The following SPMIP4 variants were observed in gnomAD, a reference collection of about 807,000 sequenced individuals.
The protein encoded by SPMIP4 is sperm-associated microtubule inner protein 4.
the SPMIP4 span, chr7:25,158,654 C>T: frequency 8.4e-6 from 6 of 713,830 alleles, no homozygotes; most frequent in African/African-American, 5.5e-5. Flanking sequence ...AATCCCAGCA[C>T]TTTGGGAGGC....
chr7:25,178,037 C>A, the SPMIP4 span, among the ~76,000 whole-genome samples: 1 of 152,202 alleles, frequency 6.6e-6, no homozygotes, highest in African/African-American at 2.4e-5. Context: ...TTAGCTCCCA[C>A]TTATAAGTCA....
the SPMIP4 span, among the ~76,000 whole-genome samples, chr7:25,132,861 T>C: frequency 0.065 from 9,866 of 152,300 alleles, 361 homozygotes; most frequent in Middle Eastern, 0.12. This position sits in a 1 kb window ranked among gnomAD's most constrained non-coding sequence, Gnocchi z 5.0. Flanking sequence ...TTGAGCATTA[T>C]TGACCACTGA....
the SPMIP4 span, among the ~76,000 whole-genome samples, chr7:25,166,812 T>C: frequency 2.0e-5 from 3 of 150,830 alleles, no homozygotes; most frequent in African/African-American, 4.9e-5. Context: ...GGAGAATTGC[T>C]TGAACTCAGG....
chr7:25,142,820 A>T, the SPMIP4 span: 1 of 1,503,102 alleles, frequency 6.7e-7, no homozygotes, highest in Non-Finnish European at 8.8e-7. Context: ...GGAAACTAAA[A>T]TATGAACATA....
chr7:25,153,563 C>CAA, the SPMIP4 span, among the ~76,000 whole-genome samples: 20,910 of 140,700 alleles, frequency 0.15, 2,147 homozygotes, highest in African/African-American at 0.29. Context: ...GACTCCGTCT[C>CAA]AAAAAAAAAA....
the SPMIP4 span, among the ~76,000 whole-genome samples, chr7:25,146,741 C>T: frequency 1.3e-5 from 2 of 152,174 alleles, no homozygotes; most frequent in Admixed American, 6.5e-5. Context: ...TTGTAATGAA[C>T]ACTGTGTTAT....
the SPMIP4 span, among the ~76,000 whole-genome samples, chr7:25,142,011 C>G: frequency 1.3e-5 from 2 of 152,348 alleles, no homozygotes; most frequent in East Asian, 3.9e-4. Context: ...GCTGGGATTA[C>G]AGGTGTGAGG....
chr7:25,157,278 C>T, the SPMIP4 span, among the ~76,000 whole-genome samples: 9 of 152,162 alleles, frequency 5.9e-5, no homozygotes, highest in Admixed American at 2.0e-4. Context: ...ATACATCTCC[C>T]ATGTAGAATG....
At chr7:25,151,669 T>A in the SPMIP4 span, 2 of 1,608,008 alleles carry the variant, frequency 1.2e-6, no homozygotes, top group Non-Finnish European at 1.7e-6. Flanking sequence ...AATCAGTTCA[T>A]ATCTATAAGG....
At chr7:25,145,924 G>GTT in the SPMIP4 span, among the ~76,000 whole-genome samples, 68 of 148,086 alleles carry the variant, frequency 4.6e-4, no homozygotes, top group Admixed American at 2.0e-3. Flanking sequence ...AGCAAATATA[G>GTT]TTTTTTTTTT....
chr7:25,137,320 A>C, the SPMIP4 span, among the ~76,000 whole-genome samples: 1,059 of 104,798 alleles, frequency 0.01, 8 homozygotes, highest in African/African-American at 0.035. Context: ...TTTTTTTTTT[A>C]TTTTTTCTTT....
chr7:25,155,464 A>T, the SPMIP4 span, among the ~76,000 whole-genome samples: 1 of 152,220 alleles, frequency 6.6e-6, no homozygotes, highest in Non-Finnish European at 1.5e-5. Flanking sequence ...GTCAGTGAGT[A>T]AGTTTCATAA....
chr7:25,135,883 G>A, the SPMIP4 span: 1 of 1,477,298 alleles, frequency 6.8e-7, no homozygotes, highest in East Asian at 2.4e-5. Flanking sequence ...GTTTAATCTA[G>A]AAAACAGAAT....
At chr7:25,140,378 A>T in the SPMIP4 span, among the ~76,000 whole-genome samples, 1 of 152,272 alleles carries the variant, frequency 6.6e-6, no homozygotes, top group Non-Finnish European at 1.5e-5. Context: ...CTTTGCTCAC[A>T]GCAACCTCTG....
the SPMIP4 span, chr7:25,126,011 C>A: frequency 1.1e-6 from 1 of 932,568 alleles, no homozygotes; most frequent in African/African-American, 1.8e-5. Context: ...GCAATGATAA[C>A]ATTTATGTAC....
At chr7:25,169,906 T>G in the SPMIP4 span, among the ~76,000 whole-genome samples, 8 of 152,170 alleles carry the variant, frequency 5.3e-5, no homozygotes, top group Non-Finnish European at 1.2e-4. Flanking sequence ...TACGTAATAT[T>G]CCACTGTATA....
At chr7:25,133,077 A>G in the SPMIP4 span, among the ~76,000 whole-genome samples, 2 of 152,308 alleles carry the variant, frequency 1.3e-5, no homozygotes, top group South Asian at 4.1e-4. Context: ...TTGGAAATGG[A>G]ATTGTTACAC....
chr7:25,133,020 G>A, the SPMIP4 span, among the ~76,000 whole-genome samples: 1 of 152,140 alleles, frequency 6.6e-6, no homozygotes, highest in African/African-American at 2.4e-5. Context: ...TAAATGTAGA[G>A]GTAGTAAAAT....
At chr7:25,137,190 C>T in the SPMIP4 span, among the ~76,000 whole-genome samples, 2 of 150,968 alleles carry the variant, frequency 1.3e-5, no homozygotes, top group Admixed American at 6.6e-5. Flanking sequence ...TGCCCTTAAA[C>T]CTTGGCTGAG....
Sources: gnomAD v4.1 joint callset for allele counts (sites outside exome capture counted in the v4.1 genomes callset) on GRCh38, gnomAD v4.1.1 for gene constraint, Gnocchi (gnomAD v3.1) non-coding constraint, MANE v1.5 for transcripts, NCBI Gene and HGNC (gene_info 2026-07-23, HGNC 2026-07-21) for gene names.